SRGAP2B: variants seen among roughly 807,000 people sequenced by gnomAD.
SRGAP2B encodes the protein SLIT-ROBO Rho GTPase activating protein 2B.
SRGAP2B carries 9 observed loss-of-function variants against 22.2 expected under a neutral mutation model. That is an observed-to-expected ratio of 0.41 (90% CI 0.24 to 0.71). The LOEUF (loss-of-function observed/expected upper bound fraction) is 0.71. SRGAP2B is among the 30% of genes least tolerant of loss of function. The pLI is 0.35. For synonymous variants in SRGAP2B, 36 were observed against 87.4 expected (o/e 0.41, Z 3.28); for missense variants, 114 against 235.8 (o/e 0.48, Z 3.38).
intron 2 of SRGAP2B, among the ~76,000 whole-genome samples, chr1:145,045,278 CG>C (rs1308320983): frequency 1.0e-5 from 1 of 99,000 alleles, no homozygotes; most frequent in Non-Finnish European, 1.9e-5. Context: ...GCCTGGGGGA[CG>C]GAGCGAGACT....
At chr1:145,089,275 C>T (rs587697280) in intron 2 of SRGAP2B, among the ~76,000 whole-genome samples, 1 of 150,810 alleles carries the variant, frequency 6.6e-6, no homozygotes, top group East Asian at 2.0e-4. Flanking sequence ...CATTGAGAGG[C>T]ATGAACTTTC....
intron 3 of SRGAP2B, among the ~76,000 whole-genome samples, chr1:144,967,605 T>C (rs1210683561): frequency 1.4e-5 from 2 of 140,606 alleles, no homozygotes. Flanking sequence ...AGCAAACACA[T>C]TCAAAAGCTA....
At chr1:144,984,764 G>A (rs1199849434) in intron 3 of SRGAP2B, among the ~76,000 whole-genome samples, 4 of 150,578 alleles carry the variant, frequency 2.7e-5, no homozygotes, top group Non-Finnish European at 5.9e-5. Context: ...CTACCACTAG[G>A]TTAATCTTCC....
intron 4 of SRGAP2B, among the ~76,000 whole-genome samples, chr1:144,931,749 G>C (rs1665202242): frequency 6.8e-6 from 1 of 146,170 alleles, no homozygotes; most frequent in Non-Finnish European, 1.5e-5. Context: ...ACTCAGCCAA[G>C]GGGTTACCCA....
intron 2 of SRGAP2B, among the ~76,000 whole-genome samples, chr1:145,020,739 A>G (rs1372462633): frequency 1.4e-5 from 2 of 142,836 alleles, no homozygotes; most frequent in East Asian, 1.9e-4. Flanking sequence ...TGTAAAACAT[A>G]TAAGTATATC....
intron 2 of SRGAP2B, among the ~76,000 whole-genome samples, chr1:145,073,080 T>C (rs1205939836): frequency 2.0e-5 from 3 of 150,160 alleles, no homozygotes; most frequent in Non-Finnish European, 4.4e-5. Flanking sequence ...GCTCTTTCCC[T>C]ACAGGGCACA....
chr1:145,082,411 GT>G (rs1384257791), intron 2 of SRGAP2B, among the ~76,000 whole-genome samples: 2 of 147,442 alleles, frequency 1.4e-5, no homozygotes, highest in Non-Finnish European at 3.0e-5. Flanking sequence ...GGTCAACCCA[GT>G]TTTAACTCCA....
intron 4 of SRGAP2B, among the ~76,000 whole-genome samples, chr1:144,924,751 A>AG (rs1465441863): frequency 2.1e-5 from 3 of 143,756 alleles, no homozygotes; most frequent in East Asian, 2.0e-4. Context: ...AAAAAAAAAA[A>AG]GAATGTGTAT....
intron 2 of SRGAP2B, among the ~76,000 whole-genome samples, chr1:145,087,808 ACT>A (rs1323699395): frequency 7.1e-6 from 1 of 141,256 alleles, no homozygotes; most frequent in Non-Finnish European, 1.6e-5. Flanking sequence ...CCTCATGAAC[ACT>A]GTTTCCAACT....
At chr1:144,943,296 A>G (rs1170378838) in intron 4 of SRGAP2B, among the ~76,000 whole-genome samples, 5 of 148,826 alleles carry the variant, frequency 3.4e-5, no homozygotes, top group Non-Finnish European at 7.4e-5. Flanking sequence ...TAGTTGTCAA[A>G]GAGATTTTTT....
chr1:144,920,635 A>C lies in SRGAP2B; in HGVS notation c.424-5881T>G, dbSNP rs1438244617. On this transcript the variant is annotated intron_variant, in intron 4 of 9. Coordinates refer to ENST00000612199, the Ensembl canonical transcript of SRGAP2B. Reference sequence around the variant, plus strand: ...AGGCTGGTCTCAAACTCCTGGCCTAAAGATCCCTCCACCTCAGCCTCTTAG... The same window carrying C: ...AGGCTGGTCTCAAACTCCTGGCCTACAGATCCCTCCACCTCAGCCTCTTAG... Among the ~76,000 whole-genome samples, 50 of 148,918 alleles carry C rather than the reference A, an allele frequency of 3.4e-4. 2 individuals carry two copies. Among genetic ancestry groups the C allele is most frequent in the Non-Finnish European group, 6.9e-4 (47 of 67,732 alleles).
At chr1:144,984,246 G>A (rs1200009379) in intron 3 of SRGAP2B, among the ~76,000 whole-genome samples, 24 of 149,784 alleles carry the variant, frequency 1.6e-4, no homozygotes, top group Admixed American at 6.6e-5. Flanking sequence ...CTTGAACCTG[G>A]GAGGCAGAGG....
chr1:144,984,125 AACCTG>A (rs2102074782), intron 3 of SRGAP2B, among the ~76,000 whole-genome samples: 1 of 150,606 alleles, frequency 6.6e-6, no homozygotes, highest in East Asian at 1.9e-4. Flanking sequence ...GCTCAAGACC[AACCTG>A]ACCAACATGG....
chr1:145,009,007 TAAAAA>T (rs368977396), intron 2 of SRGAP2B, among the ~76,000 whole-genome samples: 2 of 143,910 alleles, frequency 1.4e-5, no homozygotes, highest in African/African-American at 2.7e-5. Context: ...CCGTCTCTAC[TAAAAA>T]AAAAATACAA....
chr1:145,066,576 C>T (rs868964564), intron 2 of SRGAP2B, among the ~76,000 whole-genome samples: 3,184 of 149,156 alleles, frequency 0.021, no homozygotes, highest in African/African-American at 0.076. Context: ...AAAACCTTGA[C>T]TGGAGTGTTC....
intron 4 of SRGAP2B, among the ~76,000 whole-genome samples, chr1:144,954,614 A>T (rs1163882352): frequency 6.6e-6 from 1 of 150,644 alleles, no homozygotes; most frequent in Non-Finnish European, 1.5e-5. Context: ...CTGTAACCCA[A>T]CCTCATGAAT....
chr1:145,026,497 CT>C (rs1478853615), intron 2 of SRGAP2B, among the ~76,000 whole-genome samples: 1 of 97,260 alleles, frequency 1.0e-5, no homozygotes, highest in Non-Finnish European at 2.1e-5. Flanking sequence ...AAGATTTCTA[CT>C]TGGATATATT....
intron 2 of SRGAP2B, among the ~76,000 whole-genome samples, chr1:145,008,892 C>A (rs1671806207): frequency 1.3e-5 from 2 of 149,720 alleles, no homozygotes; most frequent in African/African-American, 2.5e-5. Flanking sequence ...AACAGTCCAG[C>A]TGGGCGCGGT....
chr1:144,985,413 A>G (rs1207964974), intron 3 of SRGAP2B, among the ~76,000 whole-genome samples: 1 of 150,314 alleles, frequency 6.7e-6, no homozygotes, highest in Non-Finnish European at 1.5e-5. Context: ...TCAACAGAAA[A>G]AAAAAAGCTA....
Sources: allele counts gnomAD v4.1 joint callset (sites outside exome capture counted in the v4.1 genomes callset), GRCh38; gene constraint gnomAD v4.1.1; transcripts MANE v1.5; gene names NCBI Gene and HGNC (gene_info 2026-07-23, HGNC 2026-07-21).